The following ABI3BP variants were observed in gnomAD, a reference collection of about 807,000 sequenced individuals.
ABI3BP encodes the protein ABI family member 3 binding protein.
Under a neutral mutation model 268.6 loss-of-function variants are expected in ABI3BP, and 216 were observed. The ratio of observed to expected loss-of-function variants is 0.80; its 90% confidence interval spans 0.72 to 0.90. The LOEUF (loss-of-function observed/expected upper bound fraction) is 0.90, where lower values mean the gene tolerates loss of function less well. Among genes scored for constraint, ABI3BP ranks in the 40% least tolerant of loss-of-function variants. ABI3BP has a pLI of 0.00. For missense variants in ABI3BP, 2,090 were observed against 2,182.4 expected (o/e 0.96, Z 0.84); for synonymous variants, 730 against 730.0 (o/e 1.00, Z 0.00).
rs1370918025 is a variant in ABI3BP at position 100,769,863 on chromosome 3, T to C, written c.4741+880A>G. 5.3e-5 allele frequency among the ~76,000 whole-genome samples: 8 copies of C among 152,336 alleles called. No homozygotes were observed. In the East Asian group the frequency reaches 7.7e-4, roughly 15 times the overall value. ...ACGTGGTAAAGAAAGCTAGTTAAGA[T>C]AAGCCGCTTACACTGGAAGTTGCCC... is the stretch of plus-strand genomic sequence containing the variant. On this transcript the variant is annotated intron_variant, in intron 62 of 67. Transcript: ENST00000471714.
intron 51 of ABI3BP, among the ~76,000 whole-genome samples, chr3:100,798,684 C>T (rs2097429194): frequency 6.6e-6 from 1 of 152,092 alleles, no homozygotes; most frequent in African/African-American, 2.4e-5. Context: ...TGCACAATGT[C>T]TGTCATAGAT....
chr3:100,877,715 C>T (rs1313579372), intron 6 of ABI3BP, among the ~76,000 whole-genome samples: 2 of 152,146 alleles, frequency 1.3e-5, no homozygotes, highest in East Asian at 1.9e-4. Context: ...GACTGATGTC[C>T]ACTTTCTGAT....
Position 100,749,219 on chromosome 3 carries a change from GTAGATA to G in ABI3BP, c.*1270_*1275del, listed in dbSNP as rs2095185826. 3.4e-5 allele frequency: 1 copy of G among 29,024 alleles called. No homozygotes were observed. The highest frequency in any genetic ancestry group is 1.3e-4 in the African/African-American group (1 of 7,928). The allele number at this position is 29,024 out of a possible 1,614,324, so 1.8% of individuals were successfully genotyped here. A position where few individuals can be genotyped will look rare whatever the true frequency, so the allele number is the denominator to read the frequency against. On this transcript the variant is annotated 3_prime_UTR_variant, in exon 68 of 68. Coordinates refer to ENST00000471714, the MANE Select transcript of ABI3BP (RefSeq NM_001375547.2). Reference sequence around the variant, plus strand: ...GGTTAATTTAGGACATAAACAAACAGTAGATATAATGGGGGTTGGTAGAGCCTGAAT... The same window carrying G: ...GGTTAATTTAGGACATAAACAAACAGTAATGGGGGTTGGTAGAGCCTGAAT...
intron 16 of ABI3BP, among the ~76,000 whole-genome samples, chr3:100,850,421 C>A (rs2098824366): frequency 6.6e-6 from 1 of 152,058 alleles, no homozygotes; most frequent in South Asian, 2.1e-4. Context: ...GTTTTCAAAG[C>A]TTTCACAACT....
chr3:100,837,244 T>G, intron 26 of ABI3BP, 73 bp from the exon 27 acceptor site: 2 of 1,230,032 alleles, frequency 1.6e-6, no homozygotes, highest in South Asian at 2.8e-5. Context: ...CTCATTGGTG[T>G]TTAATTCAGA....
intron 6 of ABI3BP, among the ~76,000 whole-genome samples, chr3:100,884,909 C>T (rs1340620827): frequency 6.6e-6 from 1 of 152,108 alleles, no homozygotes. Context: ...GACTTACAGT[C>T]ATCCCAGGTG....
At chr3:100,919,039 T>C (rs1214364198) in intron 2 of ABI3BP, among the ~76,000 whole-genome samples, 1 of 152,230 alleles carries the variant, frequency 6.6e-6, no homozygotes, top group African/African-American at 2.4e-5. Flanking sequence ...CCCTGGCAGC[T>C]GTCTTGCTCC....
chr3:100,971,397 G>T (rs538642066), intron 1 of ABI3BP, among the ~76,000 whole-genome samples: 13 of 152,296 alleles, frequency 8.5e-5, no homozygotes, highest in African/African-American at 3.1e-4. Flanking sequence ...TGTTTCAAGA[G>T]AATAAGTATG....
intron 26 of ABI3BP, among the ~76,000 whole-genome samples, chr3:100,837,488 T>C (rs2098614946): frequency 6.6e-6 from 1 of 152,200 alleles, no homozygotes; most frequent in Non-Finnish European, 1.5e-5. Context: ...GCACGTTGGC[T>C]CATGCCTATA....
chr3:100,820,369 A>G (rs1171585588), intron 39 of ABI3BP, 66 bp from the exon 40 acceptor site: 1 of 1,250,502 alleles, frequency 8.0e-7, no homozygotes, highest in Non-Finnish European at 1.1e-6. Context: ...AGCATGACAT[A>G]CGGTTTGAGA....
At position 100,866,913 on chromosome 3, in the gene ABI3BP, T is replaced by C. The variant is rs2153216442; in HGVS notation, c.954A>G (p.Pro318=). The C allele has an allele frequency of 6.2e-7, 1 of 1,613,924 alleles. No individual in the cohort carries two copies. The highest frequency in any genetic ancestry group is 8.5e-7 in the Non-Finnish European group (1 of 1,179,834). ...GTCGTGCTGAGATTTTTTCAACCTCTGGTGTTTTAGATTCGGCAGGTAATG... is the reference window on the plus strand; with the variant it reads ...GTCGTGCTGAGATTTTTTCAACCTCCGGTGTTTTAGATTCGGCAGGTAATG... ...TLALPAESKT[P]EVEKISARPT... is the part of the protein sequence containing the mutation. Residue 318 remains proline (P), a synonymous_variant, in exon 10 of 68, where the codon CCA becomes CCG. Coordinates refer to ENST00000471714, the MANE Select transcript of ABI3BP (RefSeq NM_001375547.2).
intron 58 of ABI3BP, 103 bp from the exon 59 acceptor site, chr3:100,778,479 TAGC>T (rs1220038397): frequency 1.0e-5 from 10 of 980,614 alleles, no homozygotes; most frequent in Non-Finnish European, 1.5e-5. Flanking sequence ...GTTTGATAAT[TAGC>T]AGTTGGATGA....
At chr3:100,869,329 GGTTTTT>G (rs1561057841) in intron 9 of ABI3BP, among the ~76,000 whole-genome samples, 4 of 50,154 alleles carry the variant, frequency 8.0e-5, no homozygotes, top group South Asian at 7.1e-4. Context: ...TCTTCTTTTT[GGTTTTT>G]TTTTTTTTTT....
At chr3:100,817,190 C>T (rs2098081188) in intron 42 of ABI3BP, among the ~76,000 whole-genome samples, 1 of 152,148 alleles carries the variant, frequency 6.6e-6, no homozygotes, top group African/African-American at 2.4e-5. Flanking sequence ...AAGTACATGA[C>T]ACAAATTCAA....
chr3:100,835,680 T>G lies in ABI3BP; in HGVS notation c.2132-20A>C. Reference sequence around the variant, plus strand: ...TGGGAACTAACCAAAAGCAATACAATAAACAATGGAGATTAAGAAATACAG... The same window carrying G: ...TGGGAACTAACCAAAAGCAATACAAGAAACAATGGAGATTAAGAAATACAG... On this transcript the variant is annotated intron_variant, in intron 27 of 67. Transcript: ENST00000471714. The G allele has an allele frequency of 6.6e-7, 1 of 1,517,324 alleles. No individual in the cohort carries two copies. Among genetic ancestry groups the G allele is most frequent in the African/African-American group, 1.4e-5 (1 of 72,476 alleles). The allele number at this position is 1,517,324 out of a possible 1,614,324, so 94.0% of individuals were successfully genotyped here. A position where few individuals can be genotyped will look rare whatever the true frequency, so the allele number is the denominator to read the frequency against.
At chr3:100,957,437 G>A (rs1235035428) in intron 1 of ABI3BP, among the ~76,000 whole-genome samples, 2 of 152,160 alleles carry the variant, frequency 1.3e-5, no homozygotes, top group East Asian at 3.8e-4. Flanking sequence ...AAGCCAAATA[G>A]AGATATTAAG....
rs1478835687 is a variant in ABI3BP, at chr3:100,750,091, G to GAATT, written c.*400_*403dup. 5 of 237,750 alleles carry GAATT rather than the reference G, an allele frequency of 2.1e-5. No homozygotes were observed. The highest frequency in any genetic ancestry group is 4.0e-5 in the Non-Finnish European group (5 of 125,396). 14.7% of individuals were successfully genotyped at this position (237,750 alleles called of 1,614,324 possible). Reference sequence around the variant, plus strand: ...AAGTTAAACTAAGTAGAGATTTATGGAATTAACTCATCAATAGGAAGAGTA... The same window carrying GAATT: ...AAGTTAAACTAAGTAGAGATTTATGGAATTAATTAACTCATCAATAGGAAGAGTA... On this transcript the variant is annotated 3_prime_UTR_variant, in exon 68 of 68. Coordinates refer to ENST00000471714, the MANE Select transcript of ABI3BP (RefSeq NM_001375547.2).
chr3:100,952,356 C>T (rs2075364085), intron 1 of ABI3BP, among the ~76,000 whole-genome samples: 1 of 152,084 alleles, frequency 6.6e-6, no homozygotes, highest in Admixed American at 6.5e-5. Context: ...AGCCATTCTA[C>T]AATGTATACA....
At chr3:100,818,388 C>A in intron 41 of ABI3BP, 137 bp downstream of exon 41, 2 of 770,858 alleles carry the variant, frequency 2.6e-6, no homozygotes, top group Non-Finnish European at 2.1e-6. Flanking sequence ...CAGAGCCTAG[C>A]ATAATTTCAA....
Sources: gnomAD v4.1 joint callset for allele counts (sites outside exome capture counted in the v4.1 genomes callset) on GRCh38, gnomAD v4.1.1 for gene constraint, MANE v1.5 for transcripts, NCBI Gene and HGNC (gene_info 2026-07-23, HGNC 2026-07-21) for gene names.